HTR4: variants seen among roughly 807,000 people sequenced by gnomAD.
HTR4 encodes the protein 5-hydroxytryptamine receptor 4, also known as 5-hydroxytryptamine (serotonin) receptor 4, G protein-coupled.
Under a neutral mutation model 36.8 loss-of-function variants are expected in HTR4, and 16 were observed. The observed-to-expected ratio is 0.43, with a 90% CI of 0.29 to 0.66. HTR4 has a LOEUF of 0.66. HTR4 is among the 30% of genes least tolerant of loss of function. HTR4 has a pLI of 0.13. For missense variants in HTR4, 438 were observed against 490.9 expected, an observed-to-expected ratio of 0.89 and a Z score of 1.02; for synonymous variants, 189 against 185.1, an observed-to-expected ratio of 1.02 and a Z score of -0.17.
chr5:148,635,147 T>G (rs1753486146), intron 2 of HTR4, among the ~76,000 whole-genome samples: 2 of 152,146 alleles, frequency 1.3e-5, no homozygotes, highest in East Asian at 3.9e-4. Context: ...ATATTATTAC[T>G]CATCCTAAGG....
At chr5:148,520,088 C>A (rs1444288093) in intron 5 of HTR4, among the ~76,000 whole-genome samples, 1 of 152,116 alleles carries the variant, frequency 6.6e-6, no homozygotes, top group African/African-American at 2.4e-5. Flanking sequence ...CTCACAGGAA[C>A]CTAATCCTGT....
intron 2 of HTR4, among the ~76,000 whole-genome samples, chr5:148,615,604 A>T (rs1581550523): frequency 6.6e-6 from 1 of 151,268 alleles, no homozygotes; most frequent in South Asian, 2.1e-4. Flanking sequence ...TGGGTGTAGC[A>T]CACCAGCATG....
chr5:148,561,800 C>T (rs1052484486), intron 2 of HTR4, among the ~76,000 whole-genome samples: 1 of 152,110 alleles, frequency 6.6e-6, no homozygotes. Flanking sequence ...CACATATGCC[C>T]TCTCCACTTT....
intron 2 of HTR4, among the ~76,000 whole-genome samples, chr5:148,574,754 T>C (rs1056389439): frequency 1.3e-5 from 2 of 152,096 alleles, no homozygotes; most frequent in Non-Finnish European, 2.9e-5. Context: ...TCCTGTAATA[T>C]ACGGTGCTTC....
intron 5 of HTR4, among the ~76,000 whole-genome samples, chr5:148,512,339 C>T (rs1192699554): frequency 1.3e-5 from 2 of 152,180 alleles, no homozygotes; most frequent in Non-Finnish European, 2.9e-5. Context: ...CTGTGCATCT[C>T]CTGAGAACTA....
At chr5:148,514,655 C>A (rs1330589234) in intron 5 of HTR4, among the ~76,000 whole-genome samples, 1 of 152,088 alleles carries the variant, frequency 6.6e-6, no homozygotes, top group Non-Finnish European at 1.5e-5. Context: ...AGAATAGACA[C>A]CTATATGATA....
intron 1 of HTR4, among the ~76,000 whole-genome samples, chr5:148,648,270 A>G (rs957929450): frequency 1.3e-5 from 2 of 152,216 alleles, no homozygotes; most frequent in Non-Finnish European, 2.9e-5. Context: ...TGGCAATAGC[A>G]ATGATGATCT....
rs930542569 is a variant in HTR4 at position 148,640,174 on chromosome 5, G to A, written c.-47-3113C>T. Among the ~76,000 whole-genome samples the A allele has an allele frequency of 4.1e-4, 63 of 152,060 alleles. 1 individual carries two copies. Among genetic ancestry groups the A allele is most frequent in the Non-Finnish European group, 1.5e-5 (1 of 68,002 alleles). The stretch of plus-strand genomic sequence containing the variant: ...CATCATTCTTGTCATCTTATTATAC[G>A]TCCTCCCACTGGAGCAACAGAGTAT... On this transcript the variant is annotated intron_variant, in intron 1 of 6. Transcript: ENST00000377888.
At chr5:148,565,437 A>C (rs1485141964) in intron 2 of HTR4, among the ~76,000 whole-genome samples, 2 of 152,124 alleles carry the variant, frequency 1.3e-5, no homozygotes, top group African/African-American at 4.8e-5. Flanking sequence ...CTGGTAGAAA[A>C]CACAATTTAA....
rs537301570 is a variant in HTR4 at position 148,481,905 on chromosome 5, G to A, written c.*1298C>T. 2 of 1,143,098 alleles carry A rather than the reference G, an allele frequency of 1.7e-6. No homozygotes were observed. The highest frequency in any genetic ancestry group is 3.7e-5 in the South Asian group (1 of 27,110). 70.8% of individuals were successfully genotyped at this position (1,143,098 alleles called of 1,614,324 possible). On this transcript the variant is annotated 3_prime_UTR_variant, in exon 7 of 7. Coordinates refer to ENST00000377888, the MANE Select transcript of HTR4 (RefSeq NM_000870.7). The stretch of plus-strand genomic sequence containing the variant: ...CTAAAAGGCCCAAATGAGGAGGGTC[G>A]TTCCTTTGAAACAAAGCCAAAAGGC...
chr5:148,576,206 G>A (rs1387809920), intron 2 of HTR4, among the ~76,000 whole-genome samples: 3 of 149,122 alleles, frequency 2.0e-5, no homozygotes, highest in Non-Finnish European at 4.4e-5. Context: ...AATCAGAAAG[G>A]CTATTTCATT....
intron 2 of HTR4, among the ~76,000 whole-genome samples, chr5:148,583,406 C>T (rs1046929643): frequency 2.6e-5 from 4 of 151,028 alleles, no homozygotes; most frequent in Non-Finnish European, 5.9e-5. Flanking sequence ...GCACATTGTG[C>T]ACATGTACCC....
chr5:148,564,913 C>A (rs1412028086), intron 2 of HTR4, among the ~76,000 whole-genome samples: 2 of 151,964 alleles, frequency 1.3e-5, no homozygotes, highest in African/African-American at 4.8e-5. Flanking sequence ...AGTTCGAGAC[C>A]AGCCTGGCCA....
chr5:148,498,364 A>G lies in HTR4; in HGVS notation c.1076+11092T>C, dbSNP rs556589744. 6.6e-5 allele frequency among the ~76,000 whole-genome samples: 10 copies of G among 152,296 alleles called. No individual in the cohort carries two copies. The East Asian group carries it at 1.9e-3, about 29-fold the overall frequency. On this transcript the variant is annotated intron_variant, in intron 6 of 6. Coordinates refer to ENST00000377888, the MANE Select transcript of HTR4 (RefSeq NM_000870.7). Reference sequence around the variant, plus strand: ...GTGAATCTTGTAGACTAAGTTCTCTATACCTTTTAGGATCTCAGGGAAGAT... The same window carrying G: ...GTGAATCTTGTAGACTAAGTTCTCTGTACCTTTTAGGATCTCAGGGAAGAT...
At chr5:148,466,096 A>G (rs1181325266) in intron 5 of HTR4, among the ~76,000 whole-genome samples, 1 of 152,204 alleles carries the variant, frequency 6.6e-6, no homozygotes, top group African/African-American at 2.4e-5. Context: ...GAGCATAATT[A>G]TTGCACAACA....
At chr5:148,458,805 A>G (rs1755193332) in intron 5 of HTR4, among the ~76,000 whole-genome samples, 1 of 152,154 alleles carries the variant, frequency 6.6e-6, no homozygotes, top group Non-Finnish European at 1.5e-5. Flanking sequence ...CCTAAAAGCA[A>G]TAGGATGGCA....
At chr5:148,491,320 A>T (rs568490038) in intron 6 of HTR4, among the ~76,000 whole-genome samples, 2,239 of 151,838 alleles carry the variant, frequency 0.015, 31 homozygotes, top group South Asian at 0.053. Context: ...ACGGCGCTAT[A>T]TATTTTTTTT....
chr5:148,483,378 G>T, intron 6 of HTR4, 85 bp from the exon 7 acceptor site: 2 of 1,217,852 alleles, frequency 1.6e-6, no homozygotes, highest in Non-Finnish European at 2.4e-6. Flanking sequence ...TGCATGGCAG[G>T]AACACTCTGT....
intron 4 of HTR4, among the ~76,000 whole-genome samples, chr5:148,524,899 G>A (rs1204168947): frequency 6.6e-6 from 1 of 152,176 alleles, no homozygotes; most frequent in Non-Finnish European, 1.5e-5. Context: ...GGAATGAGGA[G>A]AGCCCCGTGT....
Sources: allele counts gnomAD v4.1 joint callset (sites outside exome capture counted in the v4.1 genomes callset), GRCh38; gene constraint gnomAD v4.1.1; transcripts MANE v1.5; gene names NCBI Gene and HGNC (gene_info 2026-07-23, HGNC 2026-07-21).